Variants in CACNA1I observed in about 807,000 individuals in gnomAD.
The protein encoded by CACNA1I is voltage-dependent T-type calcium channel subunit alpha-1I.
A neutral mutation model predicts 201.6 loss-of-function variants in CACNA1I; 74 were observed. That is an observed-to-expected ratio of 0.37 (90% CI 0.30 to 0.45). The LOEUF is 0.45. Ranked by LOEUF, CACNA1I falls within the 20% of genes least tolerant of loss-of-function variation. The probability of loss-of-function intolerance (pLI) is 1.00; values close to 1 mark genes in which losing one functional copy is unlikely to be tolerated. For missense variants in CACNA1I, 2,346 were observed against 3,138.1 expected (o/e 0.75, Z 6.03); for synonymous variants, 1,431 against 1,345.2 (o/e 1.06, Z -1.40).
At chr22:39,670,260 C>T (rs1398067346) in intron 25 of CACNA1I, 30 bp downstream of exon 25, 5 of 1,601,440 alleles carry the variant, frequency 3.1e-6, no homozygotes, top group African/African-American at 1.3e-5. Flanking sequence ...GGGCGTGGGC[C>T]ACCCAGCTCT....
At chr22:39,616,764 C>CAAAA (rs66551782) in intron 3 of CACNA1I, among the ~76,000 whole-genome samples, 1 of 107,356 alleles carries the variant, frequency 9.3e-6, no homozygotes, top group African/African-American at 3.3e-5. Flanking sequence ...AACTCTGTCT[C>CAAAA]AAAAAAAAAA....
chr22:39,661,164 C>A lies in CACNA1I; in HGVS notation c.2755C>A (p.Pro919Thr). The A allele has an allele frequency of 6.2e-7, 1 of 1,613,248 alleles. No individual in the cohort carries two copies. Among genetic ancestry groups the A allele is most frequent in the African/African-American group, 1.3e-5 (1 of 75,016 alleles). Residue 919 changes from proline to threonine, a missense_variant, in exon 16 of 37, where the codon CCA becomes ACA. Physicochemically the swap from Pro to Thr is conservative, Grantham distance 38 (BLOSUM62 -1). Around this residue, in one of 13 missense-constraint regions of CACNA1I, gnomAD observed 92 missense variants for 114.5 expected, o/e 0.80. Coordinates refer to ENST00000402142, the MANE Select transcript of CACNA1I (RefSeq NM_021096.4). Reference sequence around the variant, plus strand: ...CAATGGGCACCTGGACCCCAGTCTCCCACTGGGTGGGCACCTAGGTCCTGC... The same window carrying A: ...CAATGGGCACCTGGACCCCAGTCTCACACTGGGTGGGCACCTAGGTCCTGC... ...TPNGHLDPSL[P>T]LGGHLGPAGA...
intron 4 of CACNA1I, among the ~76,000 whole-genome samples, chr22:39,631,557 G>T (rs1449596689): frequency 2.6e-5 from 4 of 152,354 alleles, no homozygotes; most frequent in East Asian, 1.9e-4. Context: ...CTGCCTGGAG[G>T]AGGAGGGTTT....
chr22:39,650,941 G>A (rs1338162135), intron 10 of CACNA1I, among the ~76,000 whole-genome samples: 1 of 152,140 alleles, frequency 6.6e-6, no homozygotes, highest in East Asian at 1.9e-4. Flanking sequence ...GGGAGGGGCA[G>A]TGGGGTTAGC....
intron 4 of CACNA1I, among the ~76,000 whole-genome samples, chr22:39,634,295 A>G (rs188594673): frequency 1.4e-4 from 21 of 152,364 alleles, no homozygotes; most frequent in Non-Finnish European, 2.8e-4. Context: ...CACTTGGTAC[A>G]TAAAAGGTGC....
At chr22:39,579,143 A>T (rs1005355669) in intron 1 of CACNA1I, among the ~76,000 whole-genome samples, 1 of 152,220 alleles carries the variant, frequency 6.6e-6, no homozygotes, top group Non-Finnish European at 1.5e-5. Flanking sequence ...CATGTCTCCA[A>T]TGCCCAGCAC....
At chr22:39,656,428 C>G (rs752484261) in intron 10 of CACNA1I, 1 of 519,002 alleles carries the variant, frequency 1.9e-6, no homozygotes, top group Admixed American at 1.9e-5. Context: ...ATGTCGCTGC[C>G]TCCTGACCCC....
chr22:39,671,225 A>G (rs1935368208), intron 26 of CACNA1I, among the ~76,000 whole-genome samples: 1 of 152,118 alleles, frequency 6.6e-6, no homozygotes. Flanking sequence ...GGTGGCAATG[A>G]CTGTGATGTG....
intron 5 of CACNA1I, among the ~76,000 whole-genome samples, chr22:39,637,467 G>C (rs1194548960): frequency 6.6e-6 from 1 of 152,142 alleles, no homozygotes. Flanking sequence ...AGAAATCGGA[G>C]CCCCAGCCTG....
chr22:39,676,634 A>C lies in CACNA1I; in HGVS notation c.4855-707A>C, dbSNP rs1935521025. 6.6e-6 allele frequency among the ~76,000 whole-genome samples: 1 copy of C among 152,140 alleles called. No homozygotes were observed. ...GGGATGGGGGTGGCTGGGTTTGCAG[A>C]GGCTTCTGGGGCCCACGGGCCTGCG... On this transcript the variant is annotated intron_variant, in intron 29 of 36. Coordinates refer to ENST00000402142, the MANE Select transcript of CACNA1I (RefSeq NM_021096.4). The surrounding 1 kb of genome is among the most constrained non-coding windows in gnomAD (Gnocchi z 4.8).
chr22:39,663,273 C>T (rs1383543089), intron 18 of CACNA1I, among the ~76,000 whole-genome samples: 1 of 152,204 alleles, frequency 6.6e-6, no homozygotes, highest in Non-Finnish European at 1.5e-5. Context: ...TGGCTTGCAT[C>T]TGAGGGGACA....
At chr22:39,664,192 G>T in intron 20 of CACNA1I, 33 bp downstream of exon 20, 2 of 1,583,782 alleles carry the variant, frequency 1.3e-6, no homozygotes, top group African/African-American at 1.3e-5. Context: ...ACCCCTGCTA[G>T]CCCCAGCTCG....
In CACNA1I at chr22:39,687,874, G is replaced by A. The variant is rs564495248; in HGVS notation, c.*1469G>A. On this transcript the variant is annotated 3_prime_UTR_variant, in exon 37 of 37. Coordinates refer to ENST00000402142, the MANE Select transcript of CACNA1I (RefSeq NM_021096.4). ...TCATGAAGTCAGTTTGAAGAAGGAG[G>A]TTGGGAGCATGTTGGTGGCAGTGAT... 3 of 152,398 alleles carry A rather than the reference G, an allele frequency of 2.0e-5. No individual in the cohort carries two copies. The highest frequency in any genetic ancestry group is 6.5e-5 in the Admixed American group (1 of 15,312). The allele number at this position is 152,398 out of a possible 1,614,324, so 9.4% of individuals were successfully genotyped here. A position where few individuals can be genotyped will look rare whatever the true frequency, so the allele number is the denominator to read the frequency against.
chr22:39,583,138 AT>A (rs1932627324), intron 1 of CACNA1I, among the ~76,000 whole-genome samples: 1 of 149,680 alleles, frequency 6.7e-6, no homozygotes, highest in African/African-American at 2.5e-5. Flanking sequence ...CCATCTCTCC[AT>A]CCATCCATCC....
At chr22:39,632,465 C>T (rs188233242) in intron 4 of CACNA1I, among the ~76,000 whole-genome samples, 1 of 152,310 alleles carries the variant, frequency 6.6e-6, no homozygotes, top group African/African-American at 2.4e-5. Context: ...CAAGGCTTCG[C>T]ATCCTGGAGT....
At chr22:39,599,374 C>T (rs1932970351) in intron 2 of CACNA1I, among the ~76,000 whole-genome samples, 1 of 144,444 alleles carries the variant, frequency 6.9e-6, no homozygotes, top group African/African-American at 2.5e-5. Flanking sequence ...AATCCCAGCA[C>T]TTTGGGAGGC....
At chr22:39,595,725 C>T (rs112130395) in intron 1 of CACNA1I, among the ~76,000 whole-genome samples, 45 of 152,146 alleles carry the variant, frequency 3.0e-4, no homozygotes, top group African/African-American at 9.2e-4. Context: ...CTTATTGTAC[C>T]GCACTCATAC....
intron 1 of CACNA1I, among the ~76,000 whole-genome samples, chr22:39,591,229 A>G (rs947856423): frequency 6.8e-6 from 1 of 147,262 alleles, no homozygotes; most frequent in Non-Finnish European, 1.5e-5. Context: ...GCGCGATCTC[A>G]GCTCACTGCA....
intron 24 of CACNA1I, among the ~76,000 whole-genome samples, chr22:39,669,564 G>A (rs1448312247): frequency 2.0e-5 from 3 of 151,768 alleles, no homozygotes; most frequent in Non-Finnish European, 4.4e-5. Flanking sequence ...TGGATGGATG[G>A]GTGGGTAGAT....
Sources: gnomAD v4.1 joint callset for allele counts (sites outside exome capture counted in the v4.1 genomes callset) on GRCh38, gnomAD v4.1.1 for gene constraint, gnomAD v4.1.1 regional missense constraint, Gnocchi (gnomAD v3.1) non-coding constraint, MANE v1.5 for transcripts, NCBI Gene and HGNC (gene_info 2026-07-23, HGNC 2026-07-21) for gene names.